Variants in GALNT13 observed in about 807,000 individuals in gnomAD.
GALNT13 encodes UDP-GalNAc:polypeptide N-acetylgalactosaminyltransferase 13.
In GALNT13, 28 loss-of-function variants were observed where a neutral mutation model predicts 64.2. The observed-to-expected ratio is 0.44, with a 90% confidence interval of 0.32 to 0.60. The LOEUF is 0.60. Ranked by LOEUF, GALNT13 falls within the 20% of genes least tolerant of loss-of-function variation. The pLI, the probability that GALNT13 is intolerant of heterozygous loss-of-function variation, is 0.05. For synonymous variants in GALNT13, 214 were observed against 224.6 expected (o/e 0.95, Z 0.42); for missense variants, 577 against 669.8 (o/e 0.86, Z 1.53).
At chr2:153,414,014 T>A in the GALNT13 span, among the ~76,000 whole-genome samples, 1 of 152,168 alleles carries the variant, frequency 6.6e-6, no homozygotes, top group Non-Finnish European at 1.5e-5. Context: ...GCCAGAAAAC[T>A]TTAAAGTGAT....
chr2:154,372,367 T>C (rs1347953278), intron 9 of GALNT13, among the ~76,000 whole-genome samples: 1 of 152,078 alleles, frequency 6.6e-6, no homozygotes, highest in Non-Finnish European at 1.5e-5. Context: ...GATTGATTTG[T>C]GCGGCTGCAA....
chr2:154,189,904 A>T (rs1686478491), intron 4 of GALNT13, among the ~76,000 whole-genome samples: 1 of 152,220 alleles, frequency 6.6e-6, no homozygotes, highest in Non-Finnish European at 1.5e-5. Context: ...TACCTATAAC[A>T]GTGCTACTTA....
intron 9 of GALNT13, among the ~76,000 whole-genome samples, chr2:154,341,188 A>G (rs904390890): frequency 1.6e-4 from 24 of 152,096 alleles, no homozygotes; most frequent in Non-Finnish European, 2.2e-4. Flanking sequence ...GAAAAAAATA[A>G]AGATCACCCA....
chr2:153,643,437 T>A, the GALNT13 span, among the ~76,000 whole-genome samples: 11 of 151,646 alleles, frequency 7.3e-5, no homozygotes, highest in South Asian at 2.3e-3. Flanking sequence ...ACAAAACCAA[T>A]TCTAGATTTG....
At chr2:153,082,593 A>G in the GALNT13 span, among the ~76,000 whole-genome samples, 2 of 42,234 alleles carry the variant, frequency 4.7e-5, no homozygotes, top group Non-Finnish European at 9.0e-5. Context: ...ATATATATAT[A>G]TATATATATA....
the GALNT13 span, among the ~76,000 whole-genome samples, chr2:153,777,116 ACATAGCT>A: frequency 6.7e-6 from 1 of 150,148 alleles, no homozygotes. Flanking sequence ...TACTGAAAAG[ACATAGCT>A]ATAATATGCA....
the GALNT13 span, among the ~76,000 whole-genome samples, chr2:153,595,057 C>T: frequency 6.6e-6 from 1 of 151,842 alleles, no homozygotes; most frequent in African/African-American, 2.4e-5. Flanking sequence ...ATACAACTGA[C>T]ATAATTCTAG....
intron 4 of GALNT13, among the ~76,000 whole-genome samples, chr2:154,197,026 C>A (rs149159270): frequency 4.6e-5 from 7 of 152,126 alleles, no homozygotes; most frequent in African/African-American, 1.4e-4. Context: ...ACATGAAAGC[C>A]TTTTCGATGT....
intron 3 of GALNT13, among the ~76,000 whole-genome samples, chr2:153,947,156 TTTCA>T (rs1170176346): frequency 6.6e-6 from 1 of 152,088 alleles, no homozygotes; most frequent in Non-Finnish European, 1.5e-5. Flanking sequence ...TTTGACATAT[TTTCA>T]TTCATTCACT....
chr2:153,676,546 G>A, the GALNT13 span, among the ~76,000 whole-genome samples: 4 of 152,032 alleles, frequency 2.6e-5, no homozygotes, highest in African/African-American at 9.7e-5. Flanking sequence ...TCAAAACCTG[G>A]CAGAGACACA....
chr2:153,844,694 C>T, the GALNT13 span, among the ~76,000 whole-genome samples: 1 of 152,332 alleles, frequency 6.6e-6, no homozygotes, highest in South Asian at 2.1e-4. Context: ...AAACCTTTCT[C>T]TCTGCTTCCT....
intron 9 of GALNT13, among the ~76,000 whole-genome samples, chr2:154,365,149 A>G (rs980774961): frequency 6.6e-6 from 1 of 152,186 alleles, no homozygotes; most frequent in African/African-American, 2.4e-5. Context: ...TCAAATGAGT[A>G]AAATCATTAA....
chr2:154,371,993 A>T (rs939711586), intron 9 of GALNT13, among the ~76,000 whole-genome samples: 6 of 152,088 alleles, frequency 3.9e-5, no homozygotes, highest in African/African-American at 1.2e-4. Context: ...ATAAAATGAA[A>T]ATTCATTGCC....
At chr2:154,045,216 A>G (rs1277628905) in intron 3 of GALNT13, among the ~76,000 whole-genome samples, 2 of 152,226 alleles carry the variant, frequency 1.3e-5, no homozygotes, top group African/African-American at 4.8e-5. Flanking sequence ...AAATTACACA[A>G]TGAATGAACT....
the GALNT13 span, among the ~76,000 whole-genome samples, chr2:153,679,948 T>C: frequency 2.6e-5 from 4 of 151,888 alleles, no homozygotes; most frequent in Non-Finnish European, 5.9e-5. Flanking sequence ...TTCAATTCAA[T>C]AACATTTTTC....
At chr2:153,947,859 A>G (rs1358199982) in intron 3 of GALNT13, among the ~76,000 whole-genome samples, 1 of 151,988 alleles carries the variant, frequency 6.6e-6, no homozygotes, top group Non-Finnish European at 1.5e-5. Context: ...AATTTTCCAT[A>G]TAGTATAAGG....
At chr2:153,799,361 C>T in the GALNT13 span, among the ~76,000 whole-genome samples, 1 of 152,130 alleles carries the variant, frequency 6.6e-6, no homozygotes, top group African/African-American at 2.4e-5. Flanking sequence ...GTACCTTCCC[C>T]AGCCTCCTCA....
At chr2:153,078,563 G>C in the GALNT13 span, among the ~76,000 whole-genome samples, 11 of 151,688 alleles carry the variant, frequency 7.3e-5, no homozygotes, top group African/African-American at 2.7e-4. Context: ...CGCCCACCTC[G>C]GCCTCCCAAA....
chr2:153,258,374 C>G, the GALNT13 span, among the ~76,000 whole-genome samples: 4 of 144,596 alleles, frequency 2.8e-5, no homozygotes, highest in Admixed American at 2.7e-4. Context: ...CTCCCAAAAA[C>G]AAAACAAAAC....
Sources: allele counts gnomAD v4.1 joint callset (sites outside exome capture counted in the v4.1 genomes callset), GRCh38; gene constraint gnomAD v4.1.1; transcripts MANE v1.5; gene names NCBI Gene and HGNC (gene_info 2026-07-23, HGNC 2026-07-21).